Variants in HFM1 observed in about 807,000 individuals in gnomAD.
The protein encoded by HFM1 is probable ATP-dependent DNA helicase HFM1.
In HFM1, 169 loss-of-function variants were observed where a neutral mutation model predicts 192.1. The observed-to-expected ratio is 0.88, with a 90% CI of 0.78 to 1.00. The LOEUF (loss-of-function observed/expected upper bound fraction) is 1.00, where lower values mean the gene tolerates loss of function less well. Among genes scored for constraint, HFM1 ranks in the 50% least tolerant of loss-of-function variants. The probability of loss-of-function intolerance (pLI) is 0.00; values close to 1 mark genes in which losing one functional copy is unlikely to be tolerated. For synonymous variants in HFM1, 525 were observed against 537.8 expected (o/e 0.98, Z 0.33); for missense variants, 1,661 against 1,668.0 (o/e 1.00, Z 0.07).
rs769455580 is a variant in HFM1, at chr1:91,324,775, A to C, written c.2336-9T>G. 6.9e-7 allele frequency: 1 copy of C among 1,449,386 alleles called. No individual in the cohort carries two copies. The highest frequency in any genetic ancestry group is 1.7e-5 in the Admixed American group (1 of 59,072). 89.8% of individuals were successfully genotyped at this position (1,449,386 alleles called of 1,614,324 possible). ...CATCAATCTTCCTGCTTCTGTAAGA[A>C]AAGACAGAAAAATGAACGGTCCCCT... On this transcript the variant is annotated splice_polypyrimidine_tract_variant and intron_variant, in intron 20 of 38. Transcript: ENST00000370425.
At chr1:91,404,095 C>T (rs1337244078) in intron 1 of HFM1, among the ~76,000 whole-genome samples, 1 of 152,124 alleles carries the variant, frequency 6.6e-6, no homozygotes, top group African/African-American at 2.4e-5. Context: ...TGCAGAGAAT[C>T]TGACAAAGAA....
intron 30 of HFM1, among the ~76,000 whole-genome samples, chr1:91,292,465 G>A (rs1167228127): frequency 6.7e-6 from 1 of 149,078 alleles, no homozygotes; most frequent in Non-Finnish European, 1.5e-5. Flanking sequence ...GCTTCAAAGA[G>A]AATAAAATAC....
At position 91,370,997 on chromosome 1, in the gene HFM1, T is replaced by A. The variant is rs1364762715; in HGVS notation, c.1685+4361A>T. Among the ~76,000 whole-genome samples the A allele has an allele frequency of 8.6e-5, 13 of 151,680 alleles. No homozygotes were observed. In the East Asian group the frequency reaches 9.7e-4, roughly 11 times the overall value. On this transcript the variant is annotated intron_variant, in intron 13 of 38. Coordinates refer to ENST00000370425, the MANE Select transcript of HFM1 (RefSeq NM_001017975.6). ...GAGTGAACTCCCATTCACAATTGCT[T>A]CAAAGAGAATAAAATACTTAGGAAT...
chr1:91,285,071 C>T (rs1667817293), intron 30 of HFM1, among the ~76,000 whole-genome samples: 2 of 152,128 alleles, frequency 1.3e-5, no homozygotes, highest in African/African-American at 2.4e-5. Flanking sequence ...GGCTGGCTCT[C>T]ATTCTCTCTT....
chr1:91,364,198 A>G (rs1658918153), intron 13 of HFM1, among the ~76,000 whole-genome samples: 1 of 152,146 alleles, frequency 6.6e-6, no homozygotes, highest in Non-Finnish European at 1.5e-5. Flanking sequence ...GAAGGAAAAA[A>G]AAAACATAAG....
At chr1:91,392,183 A>C (rs1451582380) in intron 4 of HFM1, among the ~76,000 whole-genome samples, 1 of 149,884 alleles carries the variant, frequency 6.7e-6, no homozygotes, top group Admixed American at 6.6e-5. Context: ...GTGGAAGACA[A>C]TATGGCAATT....
At chr1:91,389,129 TG>T (rs1306633703) in intron 4 of HFM1, among the ~76,000 whole-genome samples, 7 of 128,702 alleles carry the variant, frequency 5.4e-5, no homozygotes, top group Admixed American at 9.3e-5. Context: ...GTTTTTTTGT[TG>T]GGTTTTTTTT....
intron 30 of HFM1, among the ~76,000 whole-genome samples, chr1:91,284,930 T>G (rs1667800270): frequency 6.6e-6 from 1 of 152,184 alleles, no homozygotes; most frequent in Non-Finnish European, 1.5e-5. Context: ...GCAGCTCCCA[T>G]AATTTCCACA....
chr1:91,347,542 T>A, intron 18 of HFM1, 66 bp from the exon 19 acceptor site: 1 of 993,984 alleles, frequency 1.0e-6, no homozygotes, highest in Non-Finnish European at 1.5e-6. Context: ...ATACCCCAGT[T>A]AACTAGTGAA....
At chr1:91,349,500 C>A (rs1656648338) in intron 18 of HFM1, among the ~76,000 whole-genome samples, 5 of 152,164 alleles carry the variant, frequency 3.3e-5, no homozygotes, top group Admixed American at 2.0e-4. Flanking sequence ...CTCTCTCTTT[C>A]TCTCTCAGAT....
intron 30 of HFM1, among the ~76,000 whole-genome samples, chr1:91,306,827 G>A (rs1649675470): frequency 6.6e-6 from 1 of 151,826 alleles, no homozygotes; most frequent in Non-Finnish European, 1.5e-5. Flanking sequence ...TTTTCTTTGT[G>A]GAAAAATTTT....
intron 15 of HFM1, 42 bp from the exon 16 acceptor site, chr1:91,352,693 T>C (rs780520260): frequency 6.8e-7 from 1 of 1,467,180 alleles, no homozygotes; most frequent in Non-Finnish European, 9.1e-7. Flanking sequence ...CCATTTAACT[T>C]TGTTGCTTCA....
chr1:91,371,795 T>A (rs967858894), intron 13 of HFM1, among the ~76,000 whole-genome samples: 1 of 151,796 alleles, frequency 6.6e-6, no homozygotes, highest in African/African-American at 2.4e-5. Context: ...TCAGAGTGAA[T>A]AGGCAGCCTA....
Position 91,379,068 on chromosome 1 carries a change from T to C in HFM1, c.1153A>G (p.Thr385Ala), listed in dbSNP as rs1175506656. 1.9e-6 allele frequency: 3 copies of C among 1,547,218 alleles called. No individual in the cohort carries two copies. In the South Asian group the frequency reaches 3.7e-5, roughly 19 times the overall value. Residue 385 changes from threonine to alanine, a missense_variant, in exon 9 of 39, where the codon ACT (threonine) becomes GCT (alanine). Thr to Ala is a moderately conservative substitution (Grantham distance 58). Transcript: ENST00000370425. ...EIQHAHIIMT[T>A]PEKWDSMTRK... ...AAAGTATAAATAATACCTACTGGAGTTGTCATAATAATATGGGCATGCTGA... is the reference window on the plus strand; with the variant it reads ...AAAGTATAAATAATACCTACTGGAGCTGTCATAATAATATGGGCATGCTGA...
At chr1:91,293,286 T>C (rs1668995795) in intron 30 of HFM1, among the ~76,000 whole-genome samples, 2 of 151,536 alleles carry the variant, frequency 1.3e-5, no homozygotes, top group South Asian at 4.2e-4. Flanking sequence ...TGGGAGAAAA[T>C]TTTCGCAACC....
chr1:91,342,926 G>A (rs1318991788), intron 20 of HFM1, among the ~76,000 whole-genome samples: 1 of 152,108 alleles, frequency 6.6e-6, no homozygotes, highest in Non-Finnish European at 1.5e-5. Flanking sequence ...AATCAGTGAA[G>A]ACAAATTCTG....
At position 91,369,283 on chromosome 1, in the gene HFM1, A is replaced by C. The variant is rs539023237; in HGVS notation, c.1685+6075T>G. Among the ~76,000 whole-genome samples, 77 of 152,204 alleles carry C rather than the reference A, an allele frequency of 5.1e-4. 1 individual carries two copies. Among genetic ancestry groups the C allele is most frequent in the African/African-American group, 1.4e-3 (59 of 41,542 alleles). On this transcript the variant is annotated intron_variant, in intron 13 of 38. Transcript: ENST00000370425. ...ATCTACAGAACTCTCCACCCCAAAT[A>C]AACAGAATATACATTCTTTTCAGCA...
chr1:91,268,437 T>A (rs12727804), intron 34 of HFM1, among the ~76,000 whole-genome samples: 9,648 of 152,048 alleles, frequency 0.063, 335 homozygotes, highest in African/African-American at 0.078. Flanking sequence ...TAAGTGAAAA[T>A]TCCACTTCTC....
At chr1:91,288,424 G>A (rs1311912398) in intron 30 of HFM1, among the ~76,000 whole-genome samples, 3 of 150,750 alleles carry the variant, frequency 2.0e-5, no homozygotes, top group Non-Finnish European at 4.4e-5. Flanking sequence ...GTGTTTCTCG[G>A]GGAGGGGGAT....
Sources: gnomAD v4.1 joint callset for allele counts (sites outside exome capture counted in the v4.1 genomes callset) on GRCh38, gnomAD v4.1.1 for gene constraint, MANE v1.5 for transcripts, NCBI Gene and HGNC (gene_info 2026-07-23, HGNC 2026-07-21) for gene names.